BICC1: variants seen among roughly 807,000 people sequenced by gnomAD.
The protein encoded by BICC1 is BicC family RNA binding protein 1.
A neutral mutation model predicts 111.0 loss-of-function variants in BICC1; 43 were observed. The observed-to-expected ratio is 0.39, with a 90% confidence interval of 0.30 to 0.50. The LOEUF (loss-of-function observed/expected upper bound fraction) is 0.50, where lower values mean the gene tolerates loss of function less well. BICC1 is among the 20% of genes least tolerant of loss of function. The pLI is 0.88. For missense variants in BICC1, 1,091 were observed against 1,203.2 expected (o/e 0.91, Z 1.38); for synonymous variants, 467 against 434.4 (o/e 1.07, Z -0.93).
At chr10:58,711,169 T>A (rs1840560716) in intron 3 of BICC1, among the ~76,000 whole-genome samples, 2 of 152,144 alleles carry the variant, frequency 1.3e-5, no homozygotes, top group African/African-American at 4.8e-5. Context: ...CTTAAAACTT[T>A]TGTATATATT....
At chr10:58,744,688 T>G (rs1222985670) in intron 3 of BICC1, among the ~76,000 whole-genome samples, 1 of 25,384 alleles carries the variant, frequency 3.9e-5, no homozygotes, top group Non-Finnish European at 2.1e-4. Flanking sequence ...ATCTTTATCC[T>G]TATCTTGAGA....
intron 1 of BICC1, among the ~76,000 whole-genome samples, chr10:58,579,291 A>G (rs1471576844): frequency 6.6e-6 from 1 of 152,242 alleles, no homozygotes; most frequent in Non-Finnish European, 1.5e-5. Flanking sequence ...CTTGCTGGAG[A>G]GAAGACACTT....
chr10:58,555,306 A>ATT lies in BICC1; in HGVS notation c.190+42000_190+42001dup, dbSNP rs61692850. On this transcript the variant is annotated intron_variant, in intron 1 of 20. Transcript: ENST00000373886. ...CTGAAGAGAATAGAGGCTGTTGGAC[A>ATT]TTTTTTTTTTTTTTTTTTTTTTTTT... Among the ~76,000 whole-genome samples, 188 of 102,506 alleles carry ATT rather than the reference A, an allele frequency of 1.8e-3. 6 individuals are homozygous for ATT. The highest frequency in any genetic ancestry group is 5.9e-3 in the African/African-American group (152 of 25,800). 67.2% of individuals were successfully genotyped at this position (102,506 alleles called of 152,430 possible).
At chr10:58,814,163 T>G in intron 18 of BICC1, 177 bp downstream of exon 18, 1 of 722,306 alleles carries the variant, frequency 1.4e-6, no homozygotes, top group Non-Finnish European at 2.5e-6. Flanking sequence ...CTGGTTCTCT[T>G]TCCTCTCACT....
intron 2 of BICC1, among the ~76,000 whole-genome samples, chr10:58,688,051 G>A (rs7909623): frequency 0.97 from 147,284 of 152,218 alleles, 71,448 homozygotes; most frequent in Middle Eastern, 1. Flanking sequence ...CGGTGGGTTC[G>A]TGGTCTTGCC....
rs916383084 is a variant in BICC1 at position 58,727,761 on chromosome 10, T to G, written c.307+25618T>G. Among the ~76,000 whole-genome samples the G allele has an allele frequency of 3.9e-5, 6 of 152,196 alleles. 1 individual carries two copies. In the South Asian group the frequency reaches 8.3e-4, roughly 21 times the overall value. ...ACCTGATTAATGTCAGTTAATAGCT[T>G]CTTCTTAATCAAGTACAGACATACC... On this transcript the variant is annotated intron_variant, in intron 3 of 20. Coordinates refer to ENST00000373886, the MANE Select transcript of BICC1 (RefSeq NM_001080512.3).
At chr10:58,647,348 G>C (rs1838300387) in intron 2 of BICC1, among the ~76,000 whole-genome samples, 1 of 152,170 alleles carries the variant, frequency 6.6e-6, no homozygotes, top group South Asian at 2.1e-4. Flanking sequence ...AACATTGAAA[G>C]TGTATTATTT....
At chr10:58,622,041 G>T (rs925630753) in intron 2 of BICC1, among the ~76,000 whole-genome samples, 8 of 151,712 alleles carry the variant, frequency 5.3e-5, no homozygotes, top group Non-Finnish European at 1.2e-4. Context: ...AATTAGCCAG[G>T]TGTGATGATG....
chr10:58,605,354 G>A (rs533533572), intron 1 of BICC1, among the ~76,000 whole-genome samples: 282 of 152,158 alleles, frequency 1.9e-3, no homozygotes, highest in Admixed American at 5.1e-3. Flanking sequence ...CTTCATTTTC[G>A]AAATCTGTTT....
At chr10:58,826,382 C>T (rs1189315852) in intron 20 of BICC1, among the ~76,000 whole-genome samples, 1 of 152,142 alleles carries the variant, frequency 6.6e-6, no homozygotes, top group East Asian at 1.9e-4. Context: ...AAAGACTATA[C>T]ACCTGAACAG....
intron 2 of BICC1, among the ~76,000 whole-genome samples, chr10:58,652,308 G>A (rs1838474562): frequency 1.3e-5 from 2 of 152,078 alleles, no homozygotes; most frequent in East Asian, 3.9e-4. Context: ...TGAGTTTTGA[G>A]GTCCTTAGCG....
At chr10:58,635,631 G>A (rs746021159) in intron 2 of BICC1, among the ~76,000 whole-genome samples, 2 of 152,110 alleles carry the variant, frequency 1.3e-5, no homozygotes, top group Non-Finnish European at 2.9e-5. Flanking sequence ...ACTCACCATT[G>A]CCTTCCAGGT....
In BICC1 at chr10:58,789,867, A is replaced by G. The variant is rs1843124434; in HGVS notation, c.981A>G (p.Gln327=). The change falls in exon 8 of 21, where the codon CAA becomes CAG. Residue 327 remains glutamine (Q), a synonymous_variant. Coordinates refer to ENST00000373886, the MANE Select transcript of BICC1 (RefSeq NM_001080512.3). ...ACTTTCCTGATCCCAGTAATCCACA[A>G]AAGAAATCTACCGTCTACCTCCAGG... ...QIHFPDPSNP[Q]KKSTVYLQGT... 2 of 1,614,154 alleles carry G rather than the reference A, an allele frequency of 1.2e-6. No homozygotes were observed. Among genetic ancestry groups the G allele is most frequent in the East Asian group, 4.5e-5 (2 of 44,872 alleles).
At chr10:58,769,286 AC>A (rs1842545632) in intron 3 of BICC1, among the ~76,000 whole-genome samples, 2 of 12,668 alleles carry the variant, frequency 1.6e-4, no homozygotes, top group East Asian at 5.5e-3. Flanking sequence ...TGTTCTCAAC[AC>A]ACACACACAC....
At chr10:58,737,076 A>G (rs1841491514) in intron 3 of BICC1, among the ~76,000 whole-genome samples, 1 of 151,926 alleles carries the variant, frequency 6.6e-6, no homozygotes, top group South Asian at 2.1e-4. Context: ...ATTTAATATC[A>G]TCTTTATTTT....
At chr10:58,609,668 C>T (rs922482916) in intron 1 of BICC1, among the ~76,000 whole-genome samples, 5 of 152,076 alleles carry the variant, frequency 3.3e-5, no homozygotes, top group Admixed American at 6.6e-5. Context: ...GCATTTTATA[C>T]CACAGCATAT....
intron 1 of BICC1, among the ~76,000 whole-genome samples, chr10:58,603,043 G>A (rs1434364489): frequency 6.6e-6 from 1 of 152,116 alleles, no homozygotes; most frequent in Non-Finnish European, 1.5e-5. Context: ...GCATTTAATA[G>A]ATCAAGTTTA....
intron 3 of BICC1, among the ~76,000 whole-genome samples, chr10:58,738,080 C>A (rs1364085762): frequency 6.6e-6 from 1 of 152,158 alleles, no homozygotes; most frequent in African/African-American, 2.4e-5. Flanking sequence ...TGTGCAGAAG[C>A]TCTTTAGTTT....
At chr10:58,596,100 G>A (rs1029513272) in intron 1 of BICC1, among the ~76,000 whole-genome samples, 11 of 152,160 alleles carry the variant, frequency 7.2e-5, no homozygotes. Context: ...AAATAAACTA[G>A]AAAATCTAGA....
Sources: gnomAD v4.1 joint callset for allele counts (sites outside exome capture counted in the v4.1 genomes callset) on GRCh38, gnomAD v4.1.1 for gene constraint, MANE v1.5 for transcripts, NCBI Gene and HGNC (gene_info 2026-07-23, HGNC 2026-07-21) for gene names.